Variants in ADGRD1 observed in about 807,000 individuals in gnomAD.
The protein encoded by ADGRD1 is G-protein coupled receptor 133.
ADGRD1 carries 77 observed loss-of-function variants against 113.4 expected under a neutral mutation model. The ratio of observed to expected loss-of-function variants is 0.68; its 90% CI spans 0.57 to 0.82. The LOEUF (loss-of-function observed/expected upper bound fraction) is 0.82, where lower values mean the gene tolerates loss of function less well. ADGRD1 is among the 40% of genes least tolerant of loss of function. The pLI is 0.00. For synonymous variants in ADGRD1, 474 were observed against 475.0 expected (o/e 1.00, Z 0.03); for missense variants, 1,036 against 1,139.1 (o/e 0.91, Z 1.30).
intron 4 of ADGRD1, chr12:130,976,954 AGG>A (rs1431766285): frequency 1.3e-5 from 2 of 152,280 alleles, no homozygotes; most frequent in African/African-American, 4.8e-5. Flanking sequence ...TGGGCCCAGG[AGG>A]TCAAGCCTGC....
At chr12:131,116,608 A>G (rs116273527) in intron 18 of ADGRD1, among the ~76,000 whole-genome samples, 13 of 145,056 alleles carry the variant, frequency 9.0e-5, no homozygotes, top group African/African-American at 3.5e-4. Context: ...ATCTCCCAGA[A>G]CCTGTGTGAC....
chr12:131,106,015 A>G (rs1375940713), intron 17 of ADGRD1, 150 bp downstream of exon 17: 1 of 653,826 alleles, frequency 1.5e-6, no homozygotes, highest in Non-Finnish European at 2.7e-6. Context: ...GGGGAAGCAG[A>G]GATCGTGACG....
rs201315330 is a variant in ADGRD1 at position 131,136,175 on chromosome 12, G to A, written c.2394+12G>A. Reference sequence around the variant, plus strand: ...TCAACTCCCTGCAGGTGAGAGCCGCGGGGACTGGCGGGGAGGCAGGGCCGC... The same window carrying A: ...TCAACTCCCTGCAGGTGAGAGCCGCAGGGACTGGCGGGGAGGCAGGGCCGC... On this transcript the variant is annotated intron_variant, in intron 22 of 24. Transcript: ENST00000261654. 50 of 1,613,244 alleles carry A rather than the reference G, an allele frequency of 3.1e-5. No individual in the cohort carries two copies. In the South Asian group the frequency reaches 3.4e-4, roughly 11 times the overall value.
intron 3 of ADGRD1, chr12:130,969,420 C>A: frequency 4.8e-6 from 1 of 207,966 alleles, no homozygotes; most frequent in Non-Finnish European, 9.6e-6. Context: ...CATTACCGCC[C>A]GAGCTCCACC....
Position 131,005,966 on chromosome 12 carries a change from C to T in ADGRD1, c.1256-6C>T. On this transcript the variant is annotated splice_polypyrimidine_tract_variant and splice_region_variant and intron_variant, in intron 11 of 24. Coordinates refer to ENST00000261654, the MANE Select transcript of ADGRD1 (RefSeq NM_198827.5). ...GACAGCGCCTGCCCCTCTGCTCTCTCTGCAGCCTGGAGCACCGTCGTGGGT... is the reference window on the plus strand; with the variant it reads ...GACAGCGCCTGCCCCTCTGCTCTCTTTGCAGCCTGGAGCACCGTCGTGGGT... 2 of 1,610,132 alleles carry T rather than the reference C, an allele frequency of 1.2e-6. No homozygotes were observed. Among genetic ancestry groups the T allele is most frequent in the African/African-American group, 2.7e-5 (2 of 75,052 alleles).
In ADGRD1 at chr12:130,997,702, C is replaced by T. The variant is rs1293079397; in HGVS notation, c.967-2681C>T. ...AGACGGGATGGCGGCCGGGCAGAGA[C>T]GCTCCTCACTTTCCAGACTGGGCAG... On this transcript the variant is annotated intron_variant, in intron 8 of 24. Coordinates refer to ENST00000261654, the MANE Select transcript of ADGRD1 (RefSeq NM_198827.5). 7.2e-4 allele frequency among the ~76,000 whole-genome samples: 109 copies of T among 151,270 alleles called. 1 individual carries two copies. Among genetic ancestry groups the T allele is most frequent in the Admixed American group, 7.0e-3 (107 of 15,206 alleles).
intron 18 of ADGRD1, among the ~76,000 whole-genome samples, chr12:131,114,096 A>G (rs1186502137): frequency 1.3e-5 from 2 of 152,176 alleles, no homozygotes; most frequent in African/African-American, 4.8e-5. Flanking sequence ...AGAGCAATGT[A>G]TGTAGCGGGG....
At chr12:130,994,055 A>G (rs1433975787) in intron 8 of ADGRD1, 2 of 243,064 alleles carry the variant, frequency 8.2e-6, no homozygotes, top group South Asian at 4.4e-5. Context: ...CCAATCACTA[A>G]CCAAGGGGAG....
At position 130,966,954 on chromosome 12, in the gene ADGRD1, CTATTGCG is replaced by C. The variant is rs1871075237; in HGVS notation, c.187+414_187+420del. 1 of 446,968 alleles carries C rather than the reference CTATTGCG, an allele frequency of 2.2e-6. No homozygotes were observed. The allele number at this position is 446,968 out of a possible 1,614,324, so 27.7% of individuals were successfully genotyped here. On this transcript the variant is annotated intron_variant, in intron 3 of 24. Transcript: ENST00000261654. This position sits in a 1 kb window ranked among gnomAD's most constrained non-coding sequence, Gnocchi z 4.6. ...TTTACTAGAATTTTTATAGAGAGAGCTATTGCGTATTGAATGGGAGAATTTCTGATTC... is the reference window on the plus strand; with the variant it reads ...TTTACTAGAATTTTTATAGAGAGAGCTATTGAATGGGAGAATTTCTGATTC...
At chr12:131,002,960 T>A (rs879334269) in intron 9 of ADGRD1, 9 of 721,896 alleles carry the variant, frequency 1.2e-5, no homozygotes, top group African/African-American at 3.5e-5. Context: ...CGGCGATGGC[T>A]GGGGTGATGG....
At chr12:130,987,520 G>C in intron 6 of ADGRD1, 171 bp downstream of exon 6, 1 of 653,444 alleles carries the variant, frequency 1.5e-6, no homozygotes, top group East Asian at 2.7e-5. Context: ...TGTTCCCTGA[G>C]ATAGAGGAGT....
Position 131,000,871 on chromosome 12 carries a change from GAAT to G in ADGRD1, c.1026+430_1026+432del, listed in dbSNP as rs149816106. Reference sequence around the variant, plus strand: ...TATGGCCCAGTCACATCCACAAAAAGAATGATGTATCTCCCAGTCCTGACATCT... The same window carrying G: ...TATGGCCCAGTCACATCCACAAAAAGGATGTATCTCCCAGTCCTGACATCT... On this transcript the variant is annotated intron_variant, in intron 9 of 24. Transcript: ENST00000261654. 7.4e-3 allele frequency among the ~76,000 whole-genome samples: 1,123 copies of G among 151,934 alleles called. 10 individuals carry two copies. Among genetic ancestry groups the G allele is most frequent in the African/African-American group, 0.026 (1,075 of 41,430 alleles).
chr12:131,137,246 G>C, intron 23 of ADGRD1: 1 of 591,250 alleles, frequency 1.7e-6, no homozygotes, highest in South Asian at 2.0e-5. Context: ...CTGGAGAATT[G>C]GCGACTGCAT....
chr12:130,976,497 T>C lies in ADGRD1; in HGVS notation c.310+4917T>C, dbSNP rs566300038. Among the ~76,000 whole-genome samples, 3 of 152,208 alleles carry C rather than the reference T, an allele frequency of 2.0e-5. No individual in the cohort carries two copies. The East Asian group carries it at 5.8e-4, about 29-fold the overall frequency. On this transcript the variant is annotated intron_variant, in intron 4 of 24. Transcript: ENST00000261654. ...AGTGGACAAGGCCTGGGAATCGGCA[T>C]TTTTAGCCAGTCTCTCCAGGTGATT...
intron 13 of ADGRD1, among the ~76,000 whole-genome samples, chr12:131,054,317 G>A (rs1410336737): frequency 2.0e-5 from 3 of 152,112 alleles, no homozygotes; most frequent in East Asian, 1.9e-4. Flanking sequence ...CAAGGCAACC[G>A]CTAATACTTG....
intron 13 of ADGRD1, among the ~76,000 whole-genome samples, chr12:131,032,605 G>A (rs11831531): frequency 0.13 from 20,167 of 151,650 alleles, 1,523 homozygotes; most frequent in Non-Finnish European, 0.16. Context: ...TTCCTCCAGG[G>A]CCCCTCTGCT....
chr12:131,125,382 AAAG>A (rs1384483070), intron 20 of ADGRD1, among the ~76,000 whole-genome samples: 22 of 152,290 alleles, frequency 1.4e-4, no homozygotes, highest in African/African-American at 4.8e-4. Context: ...CCCACCGAGG[AAAG>A]AAGGAGAGTG....
intron 14 of ADGRD1, among the ~76,000 whole-genome samples, chr12:131,082,395 G>A (rs1484634568): frequency 6.6e-6 from 1 of 152,166 alleles, no homozygotes; most frequent in African/African-American, 2.4e-5. Flanking sequence ...GAGTCCCTGG[G>A]AAGTAGATCT....
chr12:131,123,617 C>A (rs900109778), intron 20 of ADGRD1, among the ~76,000 whole-genome samples: 2 of 151,602 alleles, frequency 1.3e-5, no homozygotes, highest in Admixed American at 6.6e-5. Flanking sequence ...GTCAGGAGAT[C>A]GAGACCATCC....
Sources: allele counts gnomAD v4.1 joint callset (sites outside exome capture counted in the v4.1 genomes callset), GRCh38; gene constraint gnomAD v4.1.1; non-coding constraint Gnocchi (gnomAD v3.1); transcripts MANE v1.5; gene names NCBI Gene and HGNC (gene_info 2026-07-23, HGNC 2026-07-21).